The following ANKRD36C variants were observed in gnomAD, a reference collection of about 807,000 sequenced individuals.
ANKRD36C encodes ankyrin repeat domain-containing protein 36C.
Under a neutral mutation model 276.4 loss-of-function variants are expected in ANKRD36C, and 61 were observed. The observed-to-expected ratio is 0.22, with a 90% CI of 0.18 to 0.27. The LOEUF is 0.27. ANKRD36C is among the 10% of genes least tolerant of loss of function. The pLI is 1.00. For missense variants in ANKRD36C, 1,447 were observed against 2,032.3 expected, an observed-to-expected ratio of 0.71 and a Z score of 5.54; for synonymous variants, 483 against 680.1, an observed-to-expected ratio of 0.71 and a Z score of 4.51.
At chr2:95,911,872 T>G (rs1240208320) in intron 42 of ANKRD36C, among the ~76,000 whole-genome samples, 1 of 151,490 alleles carries the variant, frequency 6.6e-6, no homozygotes, top group Non-Finnish European at 1.5e-5. Flanking sequence ...ATGAACAGCT[T>G]TCTGCCTGTT....
downstream of ANKRD36C, chr2:95,849,003 A>G: frequency 2.5e-6 from 1 of 405,608 alleles, no homozygotes; most frequent in Non-Finnish European, 4.7e-6. Flanking sequence ...TATCATGTTA[A>G]CAGCCTAGTA....
At chr2:95,985,220 T>C (rs1430498501) in intron 3 of ANKRD36C, among the ~76,000 whole-genome samples, 4 of 152,216 alleles carry the variant, frequency 2.6e-5, no homozygotes, top group Non-Finnish European at 5.9e-5. Flanking sequence ...CTCATGCTGA[T>C]AGATACTGCA....
chr2:95,939,710 G>T (rs78236989), intron 20 of ANKRD36C, among the ~76,000 whole-genome samples: 1 of 2,704 alleles, frequency 3.7e-4, no homozygotes. Context: ...GTCTCAAAAA[G>T]AAAAGAAAAG....
At chr2:95,965,278 G>A (rs1248707780) in intron 6 of ANKRD36C, among the ~76,000 whole-genome samples, 3 of 151,860 alleles carry the variant, frequency 2.0e-5, no homozygotes, top group African/African-American at 7.2e-5. Context: ...CAGCTTTACA[G>A]GGTGTTTTTT....
chr2:95,855,802 C>A (rs1195462409), exon 63 of ANKRD36C: 1 of 1,613,838 alleles, frequency 6.2e-7, no homozygotes, highest in East Asian at 2.2e-5. Context: ...AGCTCTTGGT[C>A]TCTTTTTGAT....
intron 3 of ANKRD36C, among the ~76,000 whole-genome samples, chr2:95,985,056 T>A (rs1303222509): frequency 6.6e-6 from 1 of 152,196 alleles, no homozygotes; most frequent in East Asian, 1.9e-4. Flanking sequence ...CTTTTAATAA[T>A]GATGTATTGA....
chr2:95,894,295 A>G (rs1676467468), intron 44 of ANKRD36C: 1 of 156,760 alleles, frequency 6.4e-6, no homozygotes, highest in Non-Finnish European at 1.4e-5. Context: ...AATGTTCATT[A>G]TCTCTCACAC....
At chr2:95,893,429 A>T (rs1245823906) in intron 44 of ANKRD36C, 104 bp downstream of exon 64, 5 of 1,463,016 alleles carry the variant, frequency 3.4e-6, no homozygotes, top group Non-Finnish European at 4.6e-6. Flanking sequence ...GGCCTGCTGA[A>T]TCAGAAAGTG....
intron 17 of ANKRD36C, among the ~76,000 whole-genome samples, chr2:95,946,459 G>A (rs1678053673): frequency 7.0e-6 from 1 of 142,672 alleles, no homozygotes; most frequent in Admixed American, 7.1e-5. Context: ...CACTGTTGGT[G>A]GGACTGTAAA....
chr2:95,988,864 A>T (rs956035315), intron 1 of ANKRD36C, among the ~76,000 whole-genome samples: 2 of 152,082 alleles, frequency 1.3e-5, no homozygotes, highest in African/African-American at 4.8e-5. Context: ...GAATATACCA[A>T]TAAACAAAAA....
In ANKRD36C at chr2:95,908,593, G is replaced by A. The variant is rs372821252; in HGVS notation, c.2653+3651C>T. The A allele has an allele frequency of 7.2e-5, 112 of 1,564,948 alleles. No homozygotes were observed. In the East Asian group the frequency reaches 2.3e-3, roughly 32 times the overall value. On this transcript the variant is annotated intron_variant, in intron 42 of 66. Transcript: ENST00000456556. ...TTGTAGCCTGAATGGAATTTGAAAT[G>A]CAATAATAAATTAATAAAGTATGTT... is the stretch of plus-strand genomic sequence containing the variant.
At chr2:95,869,327 A>T (rs1675750743) in intron 59 of ANKRD36C, among the ~76,000 whole-genome samples, 1 of 152,184 alleles carries the variant, frequency 6.6e-6, no homozygotes, top group Non-Finnish European at 1.5e-5. Context: ...ATAATTCATT[A>T]TGTGTTAAAT....
At position 95,919,609 on chromosome 2, in the gene ANKRD36C, C is replaced by T. The variant is rs183926614; in HGVS notation, c.2246-1567G>A. On this transcript the variant is annotated intron_variant, in intron 34 of 66. Coordinates refer to ENST00000456556, the Ensembl canonical transcript of ANKRD36C. ...TTTATTACAAATGAAAAATCTCAGG[C>T]CTGCTGAATCAGAATGTGCAGCTTC... 1.0e-5 allele frequency: 5 copies of T among 489,774 alleles called. No individual in the cohort carries two copies. In the African/African-American group the frequency reaches 1.1e-4, roughly 11 times the overall value. 30.3% of individuals were successfully genotyped at this position (489,774 alleles called of 1,614,324 possible).
chr2:95,946,844 T>G (rs1573792896), intron 17 of ANKRD36C, among the ~76,000 whole-genome samples: 1 of 144,806 alleles, frequency 6.9e-6, no homozygotes, highest in Admixed American at 7.2e-5. Flanking sequence ...CACTCATAGG[T>G]GGGAATTGAA....
intron 42 of ANKRD36C, 36 bp from the exon 45 acceptor site, chr2:95,910,604 T>G: frequency 6.2e-7 from 1 of 1,603,142 alleles, no homozygotes; most frequent in Non-Finnish European, 8.5e-7. Context: ...CACTCATATG[T>G]AAATATGACA....
chr2:95,909,842 C>CA (rs1676857848), intron 42 of ANKRD36C, among the ~76,000 whole-genome samples: 1 of 147,164 alleles, frequency 6.8e-6, no homozygotes, highest in South Asian at 2.2e-4. Context: ...GAAGTGAGTT[C>CA]ACTCAGGTTT....
At chr2:95,935,249 T>C (rs1677683767) in intron 24 of ANKRD36C, among the ~76,000 whole-genome samples, 1 of 152,050 alleles carries the variant, frequency 6.6e-6, no homozygotes, top group Non-Finnish European at 1.5e-5. Flanking sequence ...GAAAAGCATC[T>C]GAGCTAGAGC....
At chr2:95,903,499 T>G (rs1676717157) in intron 42 of ANKRD36C, among the ~76,000 whole-genome samples, 1 of 151,418 alleles carries the variant, frequency 6.6e-6, no homozygotes, top group Non-Finnish European at 1.5e-5. Context: ...CTACAAACAT[T>G]CATCGTGCTC....
chr2:95,879,384 A>G (rs531195345), intron 58 of ANKRD36C, among the ~76,000 whole-genome samples: 82 of 152,076 alleles, frequency 5.4e-4, no homozygotes, highest in African/African-American at 1.9e-3. Flanking sequence ...GTAGCATTTT[A>G]TAGCACAAAA....
Sources: allele counts gnomAD v4.1 joint callset (sites outside exome capture counted in the v4.1 genomes callset), GRCh38; gene constraint gnomAD v4.1.1; transcripts MANE v1.5; gene names NCBI Gene and HGNC (gene_info 2026-07-23, HGNC 2026-07-21).